The following TEAD1 variants were observed in gnomAD, a reference collection of about 807,000 sequenced individuals.
The protein encoded by TEAD1 is TEA domain transcription factor 1.
Under a neutral mutation model 54.9 loss-of-function variants are expected in TEAD1, and 9 were observed. The observed-to-expected ratio is 0.16, with a 90% CI of 0.10 to 0.29. TEAD1 has a LOEUF of 0.29. Among genes scored for constraint, TEAD1 ranks in the 10% least tolerant of loss-of-function variants. TEAD1 has a pLI of 1.00. For synonymous variants in TEAD1, 200 were observed against 187.8 expected (o/e 1.07, Z -0.53); for missense variants, 387 against 535.9 (o/e 0.72, Z 2.74).
At chr11:12,890,855 C>T (rs769549562) in intron 9 of TEAD1, among the ~76,000 whole-genome samples, 25 of 152,206 alleles carry the variant, frequency 1.6e-4, no homozygotes, top group Non-Finnish European at 3.4e-4. Flanking sequence ...ACCTCCACCT[C>T]CTGGGTTCAA....
At chr11:12,691,163 T>C (rs1160014080) in intron 2 of TEAD1, among the ~76,000 whole-genome samples, 1 of 152,252 alleles carries the variant, frequency 6.6e-6, no homozygotes, top group Non-Finnish European at 1.5e-5. Flanking sequence ...AGGCAATCAC[T>C]GATTTTAAAT....
At chr11:12,838,512 T>C (rs1417636756) in intron 3 of TEAD1, among the ~76,000 whole-genome samples, 5 of 152,264 alleles carry the variant, frequency 3.3e-5, no homozygotes, top group Admixed American at 2.6e-4. Context: ...ACATGTTTCA[T>C]GTGTTTACTA....
intron 2 of TEAD1, among the ~76,000 whole-genome samples, chr11:12,683,503 C>T (rs1415501809): frequency 1.3e-5 from 2 of 151,990 alleles, no homozygotes; most frequent in Middle Eastern, 3.2e-3. Flanking sequence ...ATGATACATC[C>T]GAAGAGCTGT....
At chr11:12,684,026 C>T (rs1287424302) in intron 2 of TEAD1, among the ~76,000 whole-genome samples, 1 of 152,160 alleles carries the variant, frequency 6.6e-6, no homozygotes, top group Non-Finnish European at 1.5e-5. Flanking sequence ...TGTCATGTTG[C>T]ATAATAGATC....
chr11:12,883,099 C>T lies in TEAD1; in HGVS notation c.673C>T (p.Leu225Phe), dbSNP rs764686524. 1.2e-6 allele frequency: 2 copies of T among 1,614,172 alleles called. No individual in the cohort carries two copies. Among genetic ancestry groups the T allele is most frequent in the South Asian group, 2.2e-5 (2 of 91,082 alleles). ...TCGCCTGGTGGAATTTTCAGCTTTT[C>T]TCGAGCAGCAGCGAGACCCAGACTC... Residue 225 changes from leucine to phenylalanine, a missense_variant, in exon 9 of 13, where the codon CTC becomes TTC. Physicochemically the swap from Leu to Phe is conservative, Grantham distance 22. Coordinates refer to ENST00000527636, the MANE Select transcript of TEAD1 (RefSeq NM_021961.6).
intron 2 of TEAD1, among the ~76,000 whole-genome samples, chr11:12,679,431 A>C (rs758825658): frequency 3.3e-5 from 5 of 152,200 alleles, no homozygotes; most frequent in Non-Finnish European, 7.3e-5. Context: ...GTCATCTCTA[A>C]TGGGAAATTC....
chr11:12,728,168 G>A (rs922113052), intron 2 of TEAD1, among the ~76,000 whole-genome samples: 1 of 152,110 alleles, frequency 6.6e-6, no homozygotes, highest in Non-Finnish European at 1.5e-5. Flanking sequence ...ACTGCTAAAC[G>A]TGATTTAAAG....
At chr11:12,808,877 A>G (rs4757948) in intron 3 of TEAD1, among the ~76,000 whole-genome samples, 146,770 of 152,242 alleles carry the variant, frequency 0.96, 71,004 homozygotes, top group East Asian at 1. Flanking sequence ...CTCCCATTCC[A>G]TAAGGTGGCT....
chr11:12,717,135 G>C lies in TEAD1; in HGVS notation c.-55+41574G>C, dbSNP rs185540250. Among the ~76,000 whole-genome samples the C allele has an allele frequency of 9.2e-5, 14 of 152,360 alleles. No individual in the cohort carries two copies. In the East Asian group the frequency reaches 2.7e-3, roughly 29 times the overall value. ...CTGGCCATGGAATGTAATGAATGTA[G>C]TTATACTGATCATAGACTATAATAT... On this transcript the variant is annotated intron_variant, in intron 2 of 12. Transcript: ENST00000527636.
At chr11:12,777,369 A>C (rs974110167) in intron 3 of TEAD1, among the ~76,000 whole-genome samples, 1 of 152,058 alleles carries the variant, frequency 6.6e-6, no homozygotes, top group South Asian at 2.1e-4. Flanking sequence ...CTGTATGCCT[A>C]CCCTCTTCCC....
intron 10 of TEAD1, among the ~76,000 whole-genome samples, chr11:12,910,625 A>G (rs530369887): frequency 3.3e-4 from 50 of 152,110 alleles, no homozygotes; most frequent in Non-Finnish European, 6.0e-4. Flanking sequence ...AATTAGTCAT[A>G]TCTTAGAAAC....
chr11:12,750,223 G>A (rs1444319307), intron 2 of TEAD1, among the ~76,000 whole-genome samples: 1 of 152,092 alleles, frequency 6.6e-6, no homozygotes, highest in Non-Finnish European at 1.5e-5. Flanking sequence ...TTCCCATGTT[G>A]GGCTCGAGTG....
rs923123371 is a variant in TEAD1 at position 12,819,615 on chromosome 11, A to AT, written c.203-42626dup. On this transcript the variant is annotated intron_variant, in intron 3 of 12. Coordinates refer to ENST00000527636, the MANE Select transcript of TEAD1 (RefSeq NM_021961.6). ...AGGCGCCCGCCACCAAGCCCGGCTA[A>AT]TTTTTTTTTGTATTTTTAGTAGAGA... Among the ~76,000 whole-genome samples the AT allele has an allele frequency of 3.9e-3, 586 of 150,320 alleles. 5 individuals carry two copies. The highest frequency in any genetic ancestry group is 0.013 in the African/African-American group (514 of 40,954).
intron 3 of TEAD1, among the ~76,000 whole-genome samples, chr11:12,811,244 G>T (rs1222157582): frequency 6.6e-6 from 1 of 152,220 alleles, no homozygotes; most frequent in Admixed American, 6.5e-5. Context: ...ACATCCTGTG[G>T]ATGGTGTAGG....
chr11:12,792,374 A>G (rs112221453), intron 3 of TEAD1, among the ~76,000 whole-genome samples: 10 of 150,778 alleles, frequency 6.6e-5, no homozygotes, highest in African/African-American at 2.2e-4. Context: ...AAAAAAAAAA[A>G]GTCCTATATA....
chr11:12,872,098 G>A (rs181621252), intron 5 of TEAD1, among the ~76,000 whole-genome samples: 1 of 152,304 alleles, frequency 6.6e-6, no homozygotes, highest in Admixed American at 6.5e-5. Flanking sequence ...AGAGCTTAAA[G>A]TTCAAATTGT....
At chr11:12,706,715 A>G (rs1943823180) in intron 2 of TEAD1, among the ~76,000 whole-genome samples, 1 of 152,142 alleles carries the variant, frequency 6.6e-6, no homozygotes, top group Non-Finnish European at 1.5e-5. Flanking sequence ...AGGACTTTCA[A>G]GATCCTCTGG....
chr11:12,770,397 A>T (rs1333111424), intron 3 of TEAD1, among the ~76,000 whole-genome samples: 2 of 152,220 alleles, frequency 1.3e-5, no homozygotes, highest in Admixed American at 6.5e-5. Flanking sequence ...TTTCTGTGGC[A>T]GTGGATGAGC....
At chr11:12,727,283 A>G (rs1944331712) in intron 2 of TEAD1, among the ~76,000 whole-genome samples, 1 of 152,188 alleles carries the variant, frequency 6.6e-6, no homozygotes. Flanking sequence ...ACTGTGGTTC[A>G]CATTATAGTT....
Sources: gnomAD v4.1 joint callset for allele counts (sites outside exome capture counted in the v4.1 genomes callset) on GRCh38, gnomAD v4.1.1 for gene constraint, MANE v1.5 for transcripts, NCBI Gene and HGNC (gene_info 2026-07-23, HGNC 2026-07-21) for gene names.